SNW1: variants seen among roughly 807,000 people sequenced by gnomAD.
The protein encoded by SNW1 is SNW domain containing 1.
A neutral mutation model predicts 75.6 loss-of-function variants in SNW1; 9 were observed. The observed-to-expected ratio is 0.12, with a 90% CI of 0.07 to 0.21. The LOEUF (loss-of-function observed/expected upper bound fraction) is 0.21. SNW1 is among the 10% of genes least tolerant of loss of function. SNW1 has a pLI of 1.00. For missense variants in SNW1, 409 were observed against 670.9 expected (o/e 0.61, Z 4.31); for synonymous variants, 200 against 219.1 (o/e 0.91, Z 0.77).
intron 10 of SNW1, among the ~76,000 whole-genome samples, chr14:77,726,324 A>AT (rs1041667823): frequency 1.3e-5 from 2 of 151,886 alleles, no homozygotes; most frequent in African/African-American, 2.4e-5. Flanking sequence ...TTAAAATTTA[A>AT]TTTTTTTTCT....
intron 11 of SNW1, chr14:77,722,568 A>G: frequency 2.3e-6 from 1 of 429,774 alleles, no homozygotes; most frequent in Non-Finnish European, 4.6e-6. Flanking sequence ...ATAACAGTCC[A>G]AATTTACTAC....
intron 3 of SNW1, among the ~76,000 whole-genome samples, chr14:77,741,626 G>T (rs2080719948): frequency 6.6e-6 from 1 of 152,106 alleles, no homozygotes; most frequent in South Asian, 2.1e-4. Flanking sequence ...CTACTGAAAA[G>T]AGTGAGGTTC....
At chr14:77,734,335 A>G (rs2080652607) in intron 8 of SNW1, among the ~76,000 whole-genome samples, 1 of 152,240 alleles carries the variant, frequency 6.6e-6, no homozygotes, top group Non-Finnish European at 1.5e-5. Context: ...TCTTTTAGAA[A>G]TAATTTTTAG....
At chr14:77,735,353 T>G (rs1363183890) in intron 7 of SNW1, among the ~76,000 whole-genome samples, 1 of 152,216 alleles carries the variant, frequency 6.6e-6, no homozygotes, top group Non-Finnish European at 1.5e-5. Context: ...TGGTGCAATC[T>G]TGGCTCACCA....
At chr14:77,746,211 T>C (rs987059572) in intron 3 of SNW1, among the ~76,000 whole-genome samples, 3 of 152,144 alleles carry the variant, frequency 2.0e-5, no homozygotes, top group Admixed American at 6.6e-5. Context: ...ATGGAAGCCA[T>C]AGAAAGATTT....
intron 3 of SNW1, among the ~76,000 whole-genome samples, chr14:77,747,221 C>CA (rs1230077872): frequency 6.6e-6 from 1 of 152,162 alleles, no homozygotes; most frequent in Non-Finnish European, 1.5e-5. Flanking sequence ...ACTCAGTGCT[C>CA]AATGTTGCCC....
intron 8 of SNW1, among the ~76,000 whole-genome samples, chr14:77,733,711 C>A (rs2080645273): frequency 1.7e-5 from 2 of 120,152 alleles, no homozygotes; most frequent in Admixed American, 1.1e-4. Flanking sequence ...TACCACTGTA[C>A]TCCAGCCTGG....
intron 8 of SNW1, among the ~76,000 whole-genome samples, chr14:77,733,755 A>C (rs1332040316): frequency 6.7e-6 from 1 of 150,344 alleles, no homozygotes; most frequent in Non-Finnish European, 1.5e-5. Context: ...AAAAAAAAAA[A>C]AAAAAAAAAA....
chr14:77,757,780 A>C (rs777245903), intron 1 of SNW1, among the ~76,000 whole-genome samples: 1 of 152,114 alleles, frequency 6.6e-6, no homozygotes, highest in Non-Finnish European at 1.5e-5. Flanking sequence ...CGAGCTCCTT[A>C]AATGTTGTAG....
chr14:77,753,262 G>A (rs919613977), intron 2 of SNW1, among the ~76,000 whole-genome samples: 2 of 152,146 alleles, frequency 1.3e-5, no homozygotes, highest in Non-Finnish European at 2.9e-5. Flanking sequence ...ACCAAGTATC[G>A]TAATGCTGAA....
intron 3 of SNW1, among the ~76,000 whole-genome samples, chr14:77,748,316 G>A (rs1409333523): frequency 2.0e-5 from 3 of 152,096 alleles, no homozygotes; most frequent in African/African-American, 7.2e-5. Flanking sequence ...AGAGACCCTT[G>A]TTCACTTGTT....
intron 3 of SNW1, among the ~76,000 whole-genome samples, chr14:77,739,995 G>A (rs1037794900): frequency 6.6e-6 from 1 of 151,866 alleles, no homozygotes; most frequent in Non-Finnish European, 1.5e-5. Context: ...TTAGCCAGTT[G>A]TGGTGGCAGG....
At chr14:77,734,405 T>C (rs773880610) in intron 8 of SNW1, among the ~76,000 whole-genome samples, 4 of 152,226 alleles carry the variant, frequency 2.6e-5, no homozygotes, top group Non-Finnish European at 5.9e-5. Flanking sequence ...ATTCTACTTA[T>C]TCCTTCTCTA....
intron 3 of SNW1, among the ~76,000 whole-genome samples, chr14:77,741,124 T>C (rs2080715667): frequency 6.8e-6 from 1 of 146,536 alleles, no homozygotes. Context: ...AAAAAGTGTC[T>C]CCTGTGCTTT....
chr14:77,757,201 A>G (rs1404750821), intron 1 of SNW1, among the ~76,000 whole-genome samples: 3 of 151,614 alleles, frequency 2.0e-5, no homozygotes, highest in African/African-American at 7.3e-5. Flanking sequence ...GGAGAAAGAC[A>G]GCTTAGTCTT....
rs934086894 is a variant in SNW1, at chr14:77,751,409, T to C, written c.240A>G (p.Lys80=). The part of the protein sequence containing the change: ...AQYPLDMGRK[K]KMSNALAIQV... ...GAATGGCCAGCGCATTCGACATTTT[T>C]TTCTTTCGTCCCATATCCAGTGGAT... is the stretch of plus-strand genomic sequence containing the variant. The change falls in exon 3 of 14, where the codon AAA becomes AAG. Residue 80 remains lysine, a synonymous_variant. Transcript: ENST00000261531. 2 of 1,613,884 alleles carry C rather than the reference T, an allele frequency of 1.2e-6. No individual in the cohort carries two copies. Among genetic ancestry groups the C allele is most frequent in the African/African-American group, 1.3e-5 (1 of 74,944 alleles).
In SNW1 at chr14:77,727,794, G is replaced by A. The variant is rs958071329; in HGVS notation, c.1033+3194C>T. ...TTAATGTGTTGAAATCTGTTTGTTA[G>A]AATTTTGTTAAGGATTTTTGCATCT... On this transcript the variant is annotated intron_variant, in intron 10 of 13. Coordinates refer to ENST00000261531, the MANE Select transcript of SNW1 (RefSeq NM_012245.3). Among the ~76,000 whole-genome samples, 10 of 152,278 alleles carry A rather than the reference G, an allele frequency of 6.6e-5. 1 individual carries two copies. The highest frequency in any genetic ancestry group is 1.3e-4 in the Non-Finnish European group (9 of 68,008).
intron 1 of SNW1, among the ~76,000 whole-genome samples, chr14:77,760,080 T>C (rs1173345525): frequency 6.6e-6 from 1 of 152,174 alleles, no homozygotes; most frequent in Non-Finnish European, 1.5e-5. Context: ...AAATGCACAT[T>C]TTGTGTTCTG....
intron 3 of SNW1, among the ~76,000 whole-genome samples, chr14:77,739,788 T>C (rs2080702316): frequency 6.6e-6 from 1 of 152,144 alleles, no homozygotes; most frequent in African/African-American, 2.4e-5. Flanking sequence ...GGTCCATCTA[T>C]ACTTCTTAAA....
Sources: gnomAD v4.1 joint callset for allele counts (sites outside exome capture counted in the v4.1 genomes callset) on GRCh38, gnomAD v4.1.1 for gene constraint, MANE v1.5 for transcripts, NCBI Gene and HGNC (gene_info 2026-07-23, HGNC 2026-07-21) for gene names.